The following RPS6KC1 variants were observed in gnomAD, a reference collection of about 807,000 sequenced individuals.
RPS6KC1 encodes ribosomal protein S6 kinase C1.
In RPS6KC1, 54 loss-of-function variants were observed where a neutral mutation model predicts 103.8. That is an observed-to-expected ratio of 0.52 (90% confidence interval 0.42 to 0.65). The LOEUF (loss-of-function observed/expected upper bound fraction) is 0.65, where lower values mean the gene tolerates loss of function less well. Among genes scored for constraint, RPS6KC1 ranks in the 30% least tolerant of loss-of-function variants. RPS6KC1 has a pLI of 0.00. For synonymous variants in RPS6KC1, 439 were observed against 438.7 expected (o/e 1.00, Z -0.01); for missense variants, 1,151 against 1,253.8 (o/e 0.92, Z 1.24).
chr1:213,570,005 A>G, the RPS6KC1 span, among the ~76,000 whole-genome samples: 1 of 152,180 alleles, frequency 6.6e-6, no homozygotes, highest in Admixed American at 6.5e-5. Context: ...AAGCAATTGG[A>G]CTTGGAGCTA....
At chr1:213,389,384 G>A in the RPS6KC1 span, among the ~76,000 whole-genome samples, 1 of 152,224 alleles carries the variant, frequency 6.6e-6, no homozygotes, top group African/African-American at 2.4e-5. Context: ...GCCTTGCTTG[G>A]CAGAGGAGGC....
At chr1:213,628,230 T>C in the RPS6KC1 span, among the ~76,000 whole-genome samples, 1 of 152,246 alleles carries the variant, frequency 6.6e-6, no homozygotes, top group East Asian at 1.9e-4. Flanking sequence ...TAGTATTCTC[T>C]GATGGTAGTT....
the RPS6KC1 span, among the ~76,000 whole-genome samples, chr1:213,520,483 G>A: frequency 2.0e-5 from 3 of 152,140 alleles, no homozygotes; most frequent in African/African-American, 7.2e-5. Context: ...AGATTTGGGC[G>A]GGGACACAGC....
Position 213,240,900 on chromosome 1 carries a change from G to T in RPS6KC1, c.1424G>T (p.Ser475Ile), listed in dbSNP as rs183778510. ...SMLKALPLKS[S>I]LTPSSQDDSN... ...CTTAAAGCTCTGCCTTTGAAGAGTAGTCTTACTCCAAGTTCTCAAGATGAC... is the reference window on the plus strand; with the variant it reads ...CTTAAAGCTCTGCCTTTGAAGAGTATTCTTACTCCAAGTTCTCAAGATGAC... The change falls in exon 11 of 15, where the codon AGT (serine) becomes ATT (isoleucine). Residue 475 changes from serine (S) to isoleucine (I), a missense_variant. Ser to Ile is a moderately radical substitution (Grantham distance 142, BLOSUM62 -2). This residue lies in a region of RPS6KC1 where 959 missense variants were observed against 1,006.3 expected (regional missense o/e 0.95). Transcript: ENST00000366960. The T allele has an allele frequency of 6.2e-7, 1 of 1,613,874 alleles. No homozygotes were observed. The highest frequency in any genetic ancestry group is 1.1e-5 in the South Asian group (1 of 91,078).
chr1:213,440,092 T>C, the RPS6KC1 span, among the ~76,000 whole-genome samples: 2 of 152,208 alleles, frequency 1.3e-5, no homozygotes, highest in African/African-American at 4.8e-5. Context: ...GAATGTTTTT[T>C]ATTATGTGCA....
the RPS6KC1 span, among the ~76,000 whole-genome samples, chr1:213,406,544 T>C: frequency 6.6e-6 from 1 of 152,134 alleles, no homozygotes; most frequent in South Asian, 2.1e-4. Context: ...TGCTCGTGTG[T>C]AAAGAGCTCC....
the RPS6KC1 span, among the ~76,000 whole-genome samples, chr1:213,327,829 T>G: frequency 3.9e-5 from 6 of 152,200 alleles, no homozygotes; most frequent in African/African-American, 1.2e-4. Context: ...CCCTTTGCTT[T>G]GCTGTTCCCT....
At chr1:213,300,875 T>C in the RPS6KC1 span, among the ~76,000 whole-genome samples, 1 of 152,178 alleles carries the variant, frequency 6.6e-6, no homozygotes, top group South Asian at 2.1e-4. Context: ...GATCTAATTA[T>C]GCAAAGAATC....
chr1:213,622,631 C>T, the RPS6KC1 span, among the ~76,000 whole-genome samples: 2 of 152,102 alleles, frequency 1.3e-5, no homozygotes, highest in African/African-American at 2.4e-5. Flanking sequence ...GGCACCCCTG[C>T]AGTCGGCTGC....
the RPS6KC1 span, among the ~76,000 whole-genome samples, chr1:213,747,972 C>G: frequency 6.6e-6 from 1 of 152,174 alleles, no homozygotes; most frequent in Non-Finnish European, 1.5e-5. Context: ...ATCTTCATTT[C>G]CTAGGTGATG....
At chr1:213,513,753 A>T in the RPS6KC1 span, among the ~76,000 whole-genome samples, 1 of 152,242 alleles carries the variant, frequency 6.6e-6, no homozygotes, top group South Asian at 2.1e-4. Flanking sequence ...AAGATATATG[A>T]TCAAAAGCAA....
the RPS6KC1 span, among the ~76,000 whole-genome samples, chr1:213,456,937 G>T: frequency 1.2e-4 from 19 of 152,162 alleles, no homozygotes; most frequent in Admixed American, 2.6e-4. Flanking sequence ...CAATATTTTT[G>T]GGGGGTTTCA....
the RPS6KC1 span, among the ~76,000 whole-genome samples, chr1:213,328,522 A>T: frequency 1.5e-5 from 2 of 135,080 alleles, no homozygotes; most frequent in African/African-American, 5.6e-5. Flanking sequence ...ATATATATAT[A>T]TATATATATA....
At chr1:213,215,514 G>C (rs898067308) in intron 8 of RPS6KC1, among the ~76,000 whole-genome samples, 4 of 152,106 alleles carry the variant, frequency 2.6e-5, no homozygotes, top group Non-Finnish European at 5.9e-5. Context: ...TTCAAATTCA[G>C]AAAATACAGA....
At chr1:213,067,148 TCTC>T (rs2148420595) in intron 1 of RPS6KC1, among the ~76,000 whole-genome samples, 1 of 152,316 alleles carries the variant, frequency 6.6e-6, no homozygotes, top group African/African-American at 2.4e-5. Flanking sequence ...ATGTCTTATG[TCTC>T]CCTAAAATGT....
chr1:213,169,495 C>G (rs959424792), intron 7 of RPS6KC1, among the ~76,000 whole-genome samples: 3 of 152,082 alleles, frequency 2.0e-5, no homozygotes, highest in Non-Finnish European at 4.4e-5. Context: ...TTATCCTATT[C>G]TCTATCATTG....
chr1:213,167,670 A>G (rs1441956126), intron 6 of RPS6KC1, among the ~76,000 whole-genome samples, 188 bp from the exon 7 acceptor site: 1 of 152,204 alleles, frequency 6.6e-6, no homozygotes, highest in African/African-American at 2.4e-5. Flanking sequence ...AATTTGGATA[A>G]ATGAAATCAA....
At chr1:213,735,018 G>A in the RPS6KC1 span, among the ~76,000 whole-genome samples, 2 of 152,282 alleles carry the variant, frequency 1.3e-5, no homozygotes, top group Admixed American at 6.5e-5. Flanking sequence ...CCACCTCCTG[G>A]GTTCACGCCA....
At chr1:213,702,198 T>C in the RPS6KC1 span, among the ~76,000 whole-genome samples, 1 of 152,140 alleles carries the variant, frequency 6.6e-6, no homozygotes, top group East Asian at 1.9e-4. Flanking sequence ...AGCATATTGT[T>C]TACTTTCCAT....
Sources: allele counts gnomAD v4.1 joint callset (sites outside exome capture counted in the v4.1 genomes callset), GRCh38; gene constraint gnomAD v4.1.1; regional missense constraint gnomAD v4.1.1; transcripts MANE v1.5; gene names NCBI Gene and HGNC (gene_info 2026-07-23, HGNC 2026-07-21).